Variants in CAMK2B observed in about 807,000 individuals in gnomAD.
The protein encoded by CAMK2B is calcium/calmodulin-dependent protein kinase type II subunit beta.
CAMK2B carries 27 observed loss-of-function variants against 93.7 expected under a neutral mutation model. That is an observed-to-expected ratio of 0.29 (90% CI 0.21 to 0.40). CAMK2B has a LOEUF of 0.40. Among genes scored for constraint, CAMK2B ranks in the 10% least tolerant of loss-of-function variants. The pLI is 1.00. For missense variants in CAMK2B, 568 were observed against 895.8 expected (o/e 0.63, Z 4.67); for synonymous variants, 374 against 358.8 (o/e 1.04, Z -0.48).
intron 2 of CAMK2B, among the ~76,000 whole-genome samples, chr7:44,272,966 C>T (rs1050763885): frequency 3.3e-5 from 5 of 152,180 alleles, no homozygotes; most frequent in Admixed American, 6.5e-5. Context: ...TGGTTTAAGG[C>T]CTAAAGTTAA....
At chr7:44,233,186 C>T (rs1279500057) in intron 15 of CAMK2B, among the ~76,000 whole-genome samples, 1 of 152,124 alleles carries the variant, frequency 6.6e-6, no homozygotes, top group Non-Finnish European at 1.5e-5. Context: ...AGAAGCCAGG[C>T]TCGGTCTTGA....
intron 15 of CAMK2B, 120 bp from the exon 16 acceptor site, chr7:44,232,986 G>C: frequency 1.2e-6 from 1 of 859,466 alleles, no homozygotes; most frequent in Non-Finnish European, 1.9e-6. Context: ...GAGCCTGCGA[G>C]AAAGAAGTGC....
intron 1 of CAMK2B, among the ~76,000 whole-genome samples, chr7:44,324,267 G>T (rs1393493205): frequency 2.0e-5 from 3 of 152,200 alleles, no homozygotes; most frequent in Admixed American, 6.5e-5. Flanking sequence ...CGCCAGCACC[G>T]CCAGCGCCCC....
chr7:44,299,807 A>G (rs13246801), intron 1 of CAMK2B, among the ~76,000 whole-genome samples: 64,347 of 151,914 alleles, frequency 0.42, 14,002 homozygotes, highest in Middle Eastern at 0.51. Flanking sequence ...TGCATAGTCT[A>G]GTGCATAGTA....
chr7:44,234,962 C>A (rs1474147044), intron 13 of CAMK2B, among the ~76,000 whole-genome samples: 1 of 152,220 alleles, frequency 6.6e-6, no homozygotes, highest in African/African-American at 2.4e-5. Context: ...GGGGAGCCCC[C>A]TTGGCTTCTG....
At chr7:44,247,240 C>G (rs1261719933) in intron 5 of CAMK2B, 48 bp from the exon 6 acceptor site, 1 of 1,511,740 alleles carries the variant, frequency 6.6e-7, no homozygotes, top group Admixed American at 1.7e-5. Context: ...TGGGGAGCAG[C>G]AAGAGGAGGC....
rs1268348390 is a variant in CAMK2B, at chr7:44,229,493, C to A, written c.1234G>T (p.Val412Phe). Residue 412 changes from valine to phenylalanine, a missense_variant, in exon 18 of 24, where the codon GTC (valine) becomes TTC (phenylalanine). Val to Phe is a conservative substitution (Grantham distance 50, BLOSUM62 -1). Transcript: ENST00000395749. ...IEDEDAKAPR[V>F]PDILSSVRRG... is the part of the protein sequence containing the mutation. ...CTCACTGAGCTCAGGATGTCGGGGA[C>A]CCTGGGGGCTGAGGCGGAACAGGTG... The A allele has an allele frequency of 7.0e-6, 10 of 1,426,780 alleles. No homozygotes were observed. Among genetic ancestry groups the A allele is most frequent in the African/African-American group, 1.5e-5 (1 of 66,948 alleles). The allele number at this position is 1,426,780 out of a possible 1,614,324, so 88.4% of individuals were successfully genotyped here. A position where few individuals can be genotyped will look rare whatever the true frequency, so the allele number is the denominator to read the frequency against.
Position 44,258,983 on chromosome 7 carries a change from CT to C in CAMK2B, c.221-58del. ...CAATAGCCCAGGACACACCTCCTGC[CT>C]GCCTCCGTACCTGTCCAGGCACACC... On this transcript the variant is annotated intron_variant, in intron 3 of 23. Coordinates refer to ENST00000395749, the MANE Select transcript of CAMK2B (RefSeq NM_001220.5). The C allele has an allele frequency of 2.0e-6, 3 of 1,470,816 alleles. No homozygotes were observed. The African/African-American group carries it at 4.2e-5, about 20-fold the overall frequency. 91.1% of individuals were successfully genotyped at this position (1,470,816 alleles called of 1,614,324 possible).
chr7:44,250,366 T>G (rs2096768824), intron 5 of CAMK2B, among the ~76,000 whole-genome samples: 2 of 152,178 alleles, frequency 1.3e-5, no homozygotes, highest in Admixed American at 1.3e-4. Context: ...TGTTTTTGTT[T>G]TTTCATGTTT....
chr7:44,238,027 T>C (rs947405489), intron 13 of CAMK2B, among the ~76,000 whole-genome samples: 13 of 152,330 alleles, frequency 8.5e-5, no homozygotes, highest in African/African-American at 2.9e-4. Flanking sequence ...CTATGCCACA[T>C]GGGCTGGTAC....
intron 3 of CAMK2B, among the ~76,000 whole-genome samples, chr7:44,260,232 G>A (rs2096868692): frequency 6.6e-6 from 1 of 152,150 alleles, no homozygotes; most frequent in Non-Finnish European, 1.5e-5. Context: ...CTCCGGCGCT[G>A]TCCCAGTTTC....
At chr7:44,303,339 T>A (rs936181755) in intron 1 of CAMK2B, among the ~76,000 whole-genome samples, 2 of 152,206 alleles carry the variant, frequency 1.3e-5, no homozygotes, top group African/African-American at 4.8e-5. Context: ...CAAATTAATT[T>A]ACACATTCAA....
At chr7:44,221,523 GAGCGATGACC>G (rs1262039636) in intron 20 of CAMK2B, among the ~76,000 whole-genome samples, 1 of 152,158 alleles carries the variant, frequency 6.6e-6, no homozygotes, top group East Asian at 1.9e-4. Flanking sequence ...GGGTTCCCCG[GAGCGATGACC>G]AGGGCTGTCC....
At chr7:44,249,009 C>T (rs1167520585) in intron 5 of CAMK2B, among the ~76,000 whole-genome samples, 1 of 152,166 alleles carries the variant, frequency 6.6e-6, no homozygotes, top group Non-Finnish European at 1.5e-5. Context: ...TTTGTTGAAA[C>T]ATCCTCCCTT....
chr7:44,232,306 GC>G (rs1016915455), intron 16 of CAMK2B, among the ~76,000 whole-genome samples: 101 of 152,272 alleles, frequency 6.6e-4, no homozygotes, highest in African/African-American at 2.4e-3. Flanking sequence ...TTGGCTGCTG[GC>G]CCCATCCCTC....
intron 1 of CAMK2B, among the ~76,000 whole-genome samples, chr7:44,303,584 C>T (rs1790677966): frequency 6.6e-6 from 1 of 152,100 alleles, no homozygotes. Context: ...GATCTTACAC[C>T]TTTCATAATG....
At chr7:44,249,683 C>T (rs752503614) in intron 5 of CAMK2B, among the ~76,000 whole-genome samples, 4 of 152,180 alleles carry the variant, frequency 2.6e-5, no homozygotes, top group Non-Finnish European at 5.9e-5. Context: ...TGCCACCTCC[C>T]GGGACACCAA....
intron 1 of CAMK2B, among the ~76,000 whole-genome samples, chr7:44,299,441 T>C (rs984788062): frequency 6.6e-6 from 1 of 152,194 alleles, no homozygotes; most frequent in African/African-American, 2.4e-5. Flanking sequence ...TGAAAAAATT[T>C]CGGACAATGA....
At chr7:44,322,797 G>C (rs2116649732) in intron 1 of CAMK2B, among the ~76,000 whole-genome samples, 1 of 152,372 alleles carries the variant, frequency 6.6e-6, no homozygotes, top group African/African-American at 2.4e-5. Flanking sequence ...AAAGGCCAGT[G>C]GCCTCGTCAC....
Sources: gnomAD v4.1 joint callset for allele counts (sites outside exome capture counted in the v4.1 genomes callset) on GRCh38, gnomAD v4.1.1 for gene constraint, MANE v1.5 for transcripts, NCBI Gene and HGNC (gene_info 2026-07-23, HGNC 2026-07-21) for gene names.